The following LRP8 variants were observed in gnomAD, a reference collection of about 807,000 sequenced individuals.
The protein encoded by LRP8 is low-density lipoprotein receptor-related protein 8.
LRP8 carries 46 observed loss-of-function variants against 111.6 expected under a neutral mutation model. That is an observed-to-expected ratio of 0.41 (90% CI 0.33 to 0.53). The LOEUF is 0.53. Ranked by LOEUF, LRP8 falls within the 20% of genes least tolerant of loss-of-function variation. LRP8 has a pLI of 0.20. For synonymous variants in LRP8, 464 were observed against 511.2 expected, an observed-to-expected ratio of 0.91 and a Z score of 1.24; for missense variants, 959 against 1,297.4, an observed-to-expected ratio of 0.74 and a Z score of 4.01.
chr1:53,277,047 G>T lies in LRP8; in HGVS notation c.528C>A (p.Asn176Lys). Residue 176 changes from asparagine to lysine, a missense_variant, in exon 5 of 19, where the codon AAC becomes AAA. By Grantham distance (94) the Asn-to-Lys change is moderately conservative (BLOSUM62 0). Transcript: ENST00000306052. ...CGAACACGGCGGCCAGGCACGAGCG[G>T]TTGCCGCACTGGAACTCGTGCGGGG... is the stretch of plus-strand genomic sequence containing the variant. ...LCAPHEFQCG[N>K]RSCLAAVFVC... 1 of 1,523,416 alleles carries T rather than the reference G, an allele frequency of 6.6e-7. No homozygotes were observed. 94.4% of individuals were successfully genotyped at this position (1,523,416 alleles called of 1,614,324 possible).
chr1:53,289,511 A>C, intron 3 of LRP8, 56 bp downstream of exon 3: 1 of 1,547,872 alleles, frequency 6.5e-7, no homozygotes, highest in South Asian at 1.2e-5. Context: ...CTCTCAAGGA[A>C]GATCTGAGGA....
chr1:53,262,271 T>C lies in LRP8; in HGVS notation c.1775-64A>G. On this transcript the variant is annotated intron_variant, in intron 11 of 18. Coordinates refer to ENST00000306052, the MANE Select transcript of LRP8 (RefSeq NM_004631.5). This position sits in a 1 kb window ranked among gnomAD's most constrained non-coding sequence, Gnocchi z 4.8. The stretch of plus-strand genomic sequence containing the variant: ...CCCAGTCTGGAGCTCTGTTCCTTTG[T>C]ACCTCTCCCTGCCCACATTTCTAGG... The C allele has an allele frequency of 6.3e-7, 1 of 1,597,864 alleles. No individual in the cohort carries two copies.
At chr1:53,282,505 T>A (rs1647146826) in intron 3 of LRP8, among the ~76,000 whole-genome samples, 1 of 152,190 alleles carries the variant, frequency 6.6e-6, no homozygotes, top group South Asian at 2.1e-4. Flanking sequence ...CCAGGGTACC[T>A]CTATCACCAA....
At position 53,275,676 on chromosome 1, in the gene LRP8, C is replaced by T. The variant is rs1486871037; in HGVS notation, c.961G>A (p.Glu321Lys). The change falls in exon 6 of 19, where the codon GAG becomes AAG. Residue 321 changes from glutamate (E) to lysine (K), a missense_variant. This residue lies in a region of LRP8 where 819 missense variants were observed against 1,097.6 expected (regional missense o/e 0.75). Coordinates refer to ENST00000306052, the MANE Select transcript of LRP8 (RefSeq NM_004631.5). This position sits in a 1 kb window ranked among gnomAD's most constrained non-coding sequence, Gnocchi z 4.4. ...TCACTCCCATCTGGACAGTCCTGCT[C>T]CTGGTTGCAGTGCTTGATTGCAAGG... ...CVLAIKHCNQ[E>K]QDCPDGSDEA... 2 of 1,614,160 alleles carry T rather than the reference C, an allele frequency of 1.2e-6. No individual in the cohort carries two copies. The highest frequency in any genetic ancestry group is 4.5e-5 in the East Asian group (2 of 44,880).
Position 53,294,715 on chromosome 1 carries a change from C to T in LRP8, c.245-5026G>A, listed in dbSNP as rs944183237. Among the ~76,000 whole-genome samples the T allele has an allele frequency of 2.0e-5, 3 of 152,158 alleles. No homozygotes were observed. The highest frequency in any genetic ancestry group is 2.9e-5 in the Non-Finnish European group (2 of 68,030). ...TCCTCATCAGGAAATGGAGGTGTGGCGCTGACTAAGTCTTAAGGCCCTCTC... is the reference window on the plus strand; with the variant it reads ...TCCTCATCAGGAAATGGAGGTGTGGTGCTGACTAAGTCTTAAGGCCCTCTC... On this transcript the variant is annotated intron_variant, in intron 2 of 18. Transcript: ENST00000306052. This position sits in a 1 kb window ranked among gnomAD's most constrained non-coding sequence, Gnocchi z 4.1.
At chr1:53,255,868 T>C (rs560062624) in intron 15 of LRP8, among the ~76,000 whole-genome samples, 2 of 152,304 alleles carry the variant, frequency 1.3e-5, no homozygotes, top group East Asian at 3.9e-4. Flanking sequence ...AAGGATTAAA[T>C]GAAATAATTT....
rs1046631529 is a variant in LRP8 at position 53,244,924 on chromosome 1, G to A, written c.*2094C>T. ...TAAGCTCCATAGGAGTTGGCCACCT[G>A]TTCTTAAAATTCTGTTTGGTATTGG... On this transcript the variant is annotated 3_prime_UTR_variant, in exon 19 of 19. Transcript: ENST00000306052. The A allele has an allele frequency of 2.0e-5, 3 of 152,172 alleles. No individual in the cohort carries two copies. The highest frequency in any genetic ancestry group is 4.4e-5 in the Non-Finnish European group (3 of 68,024). 9.4% of individuals were successfully genotyped at this position (152,172 alleles called of 1,614,324 possible).
chr1:53,272,329 G>A (rs1646784144), intron 6 of LRP8, among the ~76,000 whole-genome samples: 1 of 152,148 alleles, frequency 6.6e-6, no homozygotes, highest in Non-Finnish European at 1.5e-5. Context: ...GGTCTTAGGG[G>A]AGGTCAGGGA....
Position 53,327,929 on chromosome 1 carries a change from CG to C in LRP8, c.-18del. 1 of 1,184,332 alleles carries C rather than the reference CG, an allele frequency of 8.4e-7. No individual in the cohort carries two copies. The highest frequency in any genetic ancestry group is 1.0e-6 in the Non-Finnish European group (1 of 960,134). The allele number at this position is 1,184,332 out of a possible 1,614,324, so 73.4% of individuals were successfully genotyped here. A position where few individuals can be genotyped will look rare whatever the true frequency, so the allele number is the denominator to read the frequency against. On this transcript the variant is annotated 5_prime_UTR_variant, in exon 1 of 19. Transcript: ENST00000306052. ...GAGGCCCATGGCGGGCCCGGGGCTC[CG>C]GCCGCCGCGCCCCGCGCTCCCCGCG...
intron 2 of LRP8, among the ~76,000 whole-genome samples, chr1:53,295,663 T>C (rs1649570433): frequency 6.6e-6 from 1 of 152,176 alleles, no homozygotes; most frequent in African/African-American, 2.4e-5. Flanking sequence ...ATATTTGGGA[T>C]AGACACTTAT....
chr1:53,285,221 G>T (rs76569626), intron 3 of LRP8, among the ~76,000 whole-genome samples: 324 of 152,290 alleles, frequency 2.1e-3, no homozygotes, highest in African/African-American at 7.6e-3. Context: ...TCCAAACACA[G>T]TGCTTAACTT....
At chr1:53,285,517 G>A (rs1647404557) in intron 3 of LRP8, among the ~76,000 whole-genome samples, 1 of 152,160 alleles carries the variant, frequency 6.6e-6, no homozygotes, top group Non-Finnish European at 1.5e-5. Context: ...CTGCACTCTG[G>A]CTCCCCTCAT....
chr1:53,249,383 G>A lies in LRP8; in HGVS notation c.2850C>T (p.Ser950=), dbSNP rs1645824720. ...NPLSELPVVK[S]KRVALSLEDD... ...ACTTAGAGTGGCACTGCCCTACCTT[G>A]GATTTGACGACAGGCAGCTCGGAAA... Residue 950 remains serine (S), a synonymous_variant, in exon 18 of 19, where the codon TCC becomes TCT. Coordinates refer to ENST00000306052, the MANE Select transcript of LRP8 (RefSeq NM_004631.5). The surrounding 1 kb of genome is among the most constrained non-coding windows in gnomAD (Gnocchi z 4.1). 1 of 1,613,820 alleles carries A rather than the reference G, an allele frequency of 6.2e-7. No individual in the cohort carries two copies. Among genetic ancestry groups the A allele is most frequent in the Non-Finnish European group, 8.5e-7 (1 of 1,179,876 alleles).
At chr1:53,282,156 T>C (rs1647134011) in intron 3 of LRP8, among the ~76,000 whole-genome samples, 1 of 151,940 alleles carries the variant, frequency 6.6e-6, no homozygotes, top group Non-Finnish European at 1.5e-5. Context: ...CACAGATGAG[T>C]TGGGGAGGGG....
At position 53,319,503 on chromosome 1, in the gene LRP8, G is replaced by A. The variant is rs750955329; in HGVS notation, c.244+7370C>T. On this transcript the variant is annotated intron_variant, in intron 2 of 18. Transcript: ENST00000306052. ...CAGTTTCCCAAGGACACTCCATGGC[G>A]CCTGAGAGCATGCCGCATTCTATGC... Among the ~76,000 whole-genome samples, 8 of 152,310 alleles carry A rather than the reference G, an allele frequency of 5.3e-5. No homozygotes were observed. In the South Asian group the frequency reaches 1.0e-3, roughly 20 times the overall value.
Position 53,327,997 on chromosome 1 carries a change from C to A in LRP8, c.-85G>T. On this transcript the variant is annotated 5_prime_UTR_variant, in exon 1 of 19. Transcript: ENST00000306052. Reference sequence around the variant, plus strand: ...TCAGCCCTCCGAGTCCTTGCCGCGGCGCCGGGGTTGCCGCTGCCCCCGCCG... The same window carrying A: ...TCAGCCCTCCGAGTCCTTGCCGCGGAGCCGGGGTTGCCGCTGCCCCCGCCG... 1 of 882,148 alleles carries A rather than the reference C, an allele frequency of 1.1e-6. No individual in the cohort carries two copies. Among genetic ancestry groups the A allele is most frequent in the South Asian group, 5.0e-5 (1 of 20,102 alleles). The allele number at this position is 882,148 out of a possible 1,614,324, so 54.6% of individuals were successfully genotyped here.
intron 2 of LRP8, among the ~76,000 whole-genome samples, chr1:53,300,255 C>T (rs951341260): frequency 6.6e-6 from 1 of 152,216 alleles, no homozygotes; most frequent in Admixed American, 6.5e-5. Context: ...CACGCAGCTC[C>T]CCCAGGCCAG....
In LRP8 at chr1:53,326,981, C is replaced by A. The variant is rs1178724599; in HGVS notation, c.136G>T (p.Asp46Tyr). 1.2e-6 allele frequency: 2 copies of A among 1,613,248 alleles called. No homozygotes were observed. The highest frequency in any genetic ancestry group is 1.7e-6 in the Non-Finnish European group (2 of 1,179,960). The change falls in exon 2 of 19, where the codon GAT (aspartate) becomes TAT (tyrosine). Residue 46 changes from aspartate (D) to tyrosine (Y), a missense_variant. Around this residue, in one of 3 missense-constraint regions of LRP8, gnomAD observed 97 missense variants for 107.5 expected, o/e 0.90. Transcript: ENST00000306052. ...CACTGGAATTGGTCCTTTTCGCAATCCTTGGCCGGCCCTGCGAGGGGGAGG... is the reference window on the plus strand; with the variant it reads ...CACTGGAATTGGTCCTTTTCGCAATACTTGGCCGGCCCTGCGAGGGGGAGG... ...PLLGGQGPAK[D>Y]CEKDQFQCRN... is the part of the protein sequence containing the mutation.
chr1:53,322,873 G>A (rs557381291), intron 2 of LRP8, among the ~76,000 whole-genome samples: 25 of 152,276 alleles, frequency 1.6e-4, no homozygotes, highest in African/African-American at 6.0e-4. Context: ...CAGCACTCCT[G>A]CAGCCTGGCC....
Sources: gnomAD v4.1 joint callset for allele counts (sites outside exome capture counted in the v4.1 genomes callset) on GRCh38, gnomAD v4.1.1 for gene constraint, gnomAD v4.1.1 regional missense constraint, Gnocchi (gnomAD v3.1) non-coding constraint, MANE v1.5 for transcripts, NCBI Gene and HGNC (gene_info 2026-07-23, HGNC 2026-07-21) for gene names.